Variants in TIAM2 observed in about 807,000 individuals in gnomAD.
The protein encoded by TIAM2 is rho guanine nucleotide exchange factor TIAM2.
In TIAM2, 80 loss-of-function variants were observed where a neutral mutation model predicts 152.9. The ratio of observed to expected loss-of-function variants is 0.52; its 90% CI spans 0.44 to 0.63. The LOEUF is 0.63. Among genes scored for constraint, TIAM2 ranks in the 30% least tolerant of loss-of-function variants. The pLI, the probability that TIAM2 is intolerant of heterozygous loss-of-function variation, is 0.00. For missense variants in TIAM2, 1,965 were observed against 2,120.1 expected (o/e 0.93, Z 1.44); for synonymous variants, 804 against 838.0 (o/e 0.96, Z 0.70).
In TIAM2 at chr6:155,027,844, T is replaced by G. The variant is rs567648358; in HGVS notation, c.-209+32352T>G. Among the ~76,000 whole-genome samples the G allele has an allele frequency of 2.6e-3, 266 of 102,084 alleles. 8 individuals are homozygous for G. The highest frequency in any genetic ancestry group is 0.011 in the African/African-American group (250 of 22,552). The allele number at this position is 102,084 out of a possible 152,430, so 67.0% of individuals were successfully genotyped here. A position where few individuals can be genotyped will look rare whatever the true frequency, so the allele number is the denominator to read the frequency against. On this transcript the variant is annotated intron_variant, in intron 1 of 26. Transcript: ENST00000682666. Reference sequence around the variant, plus strand: ...TACTGTGATACATATATACTATATATAATATATGTACTGTGTTATATACTA... The same window carrying G: ...TACTGTGATACATATATACTATATAGAATATATGTACTGTGTTATATACTA...
chr6:155,010,191 G>A (rs183194242), intron 1 of TIAM2, among the ~76,000 whole-genome samples: 200 of 152,244 alleles, frequency 1.3e-3, no homozygotes, highest in African/African-American at 4.1e-3. Context: ...GAATCTAAGC[G>A]GAAGACTTAT....
At chr6:155,047,254 C>T (rs1777196499) in intron 1 of TIAM2, among the ~76,000 whole-genome samples, 1 of 152,204 alleles carries the variant, frequency 6.6e-6, no homozygotes, top group Non-Finnish European at 1.5e-5. Flanking sequence ...TCTTAGCTCA[C>T]AGCAACCTCC....
intron 1 of TIAM2, among the ~76,000 whole-genome samples, chr6:155,043,558 C>T (rs1031758583): frequency 9.8e-5 from 14 of 142,466 alleles, no homozygotes; most frequent in Admixed American, 8.1e-4. Context: ...TGCTTGAGCC[C>T]GGGAGTTTGA....
chr6:155,137,046 A>G, intron 4 of TIAM2, 131 bp from the exon 5 acceptor site: 1 of 980,714 alleles, frequency 1.0e-6, no homozygotes. Context: ...TTAAAGATGT[A>G]TTTTTGTTAC....
intron 14 of TIAM2, among the ~76,000 whole-genome samples, chr6:155,188,053 A>G (rs1266310259): frequency 1.3e-5 from 2 of 152,150 alleles, no homozygotes; most frequent in Non-Finnish European, 2.9e-5. Flanking sequence ...CTGTTTCCTG[A>G]GGCCTTCTAT....
intron 1 of TIAM2, among the ~76,000 whole-genome samples, chr6:154,998,135 G>C (rs972893733): frequency 1.3e-5 from 2 of 152,142 alleles, no homozygotes; most frequent in African/African-American, 4.8e-5. Context: ...TGGGCGTCAG[G>C]GATTTGTGTC....
rs1013557411 is a variant in TIAM2, at chr6:155,023,052, TTTTTTTTTC to T, written c.-209+27561_-209+27569del. On this transcript the variant is annotated intron_variant, in intron 1 of 26. Transcript: ENST00000682666. ...CTCATTTTTTGTTCTGTTTTTTTTT[TTTTTTTTTC>T]CCTTGGCAAGTGAATTTATTTCATC... Among the ~76,000 whole-genome samples the T allele has an allele frequency of 1.6e-3, 63 of 39,216 alleles. 1 individual carries two copies. Among genetic ancestry groups the T allele is most frequent in the African/African-American group, 3.7e-3 (58 of 15,556 alleles). The allele number at this position is 39,216 out of a possible 152,430, so 25.7% of individuals were successfully genotyped here.
intron 1 of TIAM2, among the ~76,000 whole-genome samples, chr6:155,036,829 G>A (rs1370033877): frequency 6.6e-6 from 1 of 151,592 alleles, no homozygotes; most frequent in African/African-American, 2.4e-5. Flanking sequence ...TGTTGGTTAG[G>A]CTGGTCTCGA....
chr6:155,246,215 T>G (rs1321434752), intron 19 of TIAM2, among the ~76,000 whole-genome samples: 1 of 152,142 alleles, frequency 6.6e-6, no homozygotes, highest in Admixed American at 6.5e-5. Context: ...TGCTCTTCGG[T>G]GTTTCTCTCT....
At position 155,257,201 on chromosome 6, in the gene TIAM2, A is replaced by G; in HGVS notation, c.*80A>G. On this transcript the variant is annotated 3_prime_UTR_variant, in exon 27 of 27. Coordinates refer to ENST00000682666, the MANE Select transcript of TIAM2 (RefSeq NM_012454.4). ...TAAAGTGGAAATTGCAAAAAAAAAAAAAAAAAAAAACTGTTCATTCCTGGG... is the reference window on the plus strand; with the variant it reads ...TAAAGTGGAAATTGCAAAAAAAAAAGAAAAAAAAAACTGTTCATTCCTGGG... 1 of 1,427,372 alleles carries G rather than the reference A, an allele frequency of 7.0e-7. No individual in the cohort carries two copies. The highest frequency in any genetic ancestry group is 9.5e-7 in the Non-Finnish European group (1 of 1,051,998). 88.4% of individuals were successfully genotyped at this position (1,427,372 alleles called of 1,614,324 possible).
rs57405392 is a variant in TIAM2, at chr6:155,256,603, A to T, written c.4588A>T (p.Ser1530Cys). Residue 1530 changes from serine to cysteine, a missense_variant, in exon 27 of 27, where the codon AGC (serine) becomes TGC (cysteine). By Grantham distance (112) the Ser-to-Cys change is moderately radical. Around this residue, in one of 3 missense-constraint regions of TIAM2, gnomAD observed 935 missense variants for 980.0 expected, o/e 0.95. Transcript: ENST00000682666. ...CAGCTTGAGCAGCGGCACCCAGAGC[A>T]GCGGCTGCCCCACGGCTGAGGGCAG... ...EGSLSSGTQSSGCPTAEGRQD... is the reference protein window; with the variant it reads ...EGSLSSGTQSCGCPTAEGRQD... The T allele has an allele frequency of 5.0e-6, 8 of 1,614,188 alleles. No homozygotes were observed. The East Asian group carries it at 1.8e-4, about 36-fold the overall frequency.
At chr6:155,179,000 G>A in intron 10 of TIAM2, 39 bp from the exon 11 acceptor site, 1 of 1,466,490 alleles carries the variant, frequency 6.8e-7, no homozygotes, top group Non-Finnish European at 9.5e-7. Context: ...GATTTAGAAA[G>A]AGCATTTAAA....
At chr6:155,090,189 A>G (rs1312546831) in intron 1 of TIAM2, 100 bp from the exon 2 acceptor site, 2 of 152,222 alleles carry the variant, frequency 1.3e-5, no homozygotes. Context: ...TATCAAGCCC[A>G]AGATACAACA....
rs762073684 is a variant in TIAM2, at chr6:155,148,352, C to T, written c.2028+18C>T. The stretch of plus-strand genomic sequence containing the variant: ...AGAACCAGGTACTGTTTGTCTACAC[C>T]TGAGTTTTCTTCCATTGCTCATGTC... On this transcript the variant is annotated intron_variant, in intron 7 of 26. Transcript: ENST00000682666. The T allele has an allele frequency of 6.9e-6, 11 of 1,603,376 alleles. No homozygotes were observed. The highest frequency in any genetic ancestry group is 9.4e-6 in the Non-Finnish European group (11 of 1,174,954).
chr6:155,164,529 G>T lies in TIAM2; in HGVS notation c.2143G>T (p.Ala715Ser), dbSNP rs946028576. The T allele has an allele frequency of 3.1e-6, 5 of 1,614,000 alleles. No individual in the cohort carries two copies. The African/African-American group carries it at 6.7e-5, about 22-fold the overall frequency. ...ELPNPKSLLA[A>S]ASRPSKLALG... ...ACCGAACCCAAAGAGTCTCCTTGCA[G>T]CCGCCAGCCGCCCCTCCAAGCTGGC... is the stretch of plus-strand genomic sequence containing the variant. The change falls in exon 8 of 27, where the codon GCC (alanine) becomes TCC (serine). Residue 715 changes from alanine to serine, a missense_variant. Transcript: ENST00000682666.
chr6:155,075,042 C>T (rs1310357183), intron 1 of TIAM2, among the ~76,000 whole-genome samples: 1 of 151,646 alleles, frequency 6.6e-6, no homozygotes, highest in Non-Finnish European at 1.5e-5. Context: ...CGGCTCTGGA[C>T]CAGGGTGGCA....
chr6:155,025,318 T>C (rs957724219), intron 1 of TIAM2, among the ~76,000 whole-genome samples: 3 of 151,752 alleles, frequency 2.0e-5, no homozygotes, highest in East Asian at 1.9e-4. Flanking sequence ...CTCAGCCTCC[T>C]GAGTAGCTGG....
At chr6:155,055,673 A>G (rs920426211) in intron 1 of TIAM2, among the ~76,000 whole-genome samples, 1 of 152,136 alleles carries the variant, frequency 6.6e-6, no homozygotes, top group Non-Finnish European at 1.5e-5. Context: ...TAACAAGTTG[A>G]GCATCAGGCC....
chr6:155,180,702 A>G (rs1416013050), intron 12 of TIAM2, among the ~76,000 whole-genome samples: 1 of 152,064 alleles, frequency 6.6e-6, no homozygotes, highest in Non-Finnish European at 1.5e-5. Flanking sequence ...TCCTGGGTTC[A>G]AGCAATTCTC....
Sources: allele counts gnomAD v4.1 joint callset (sites outside exome capture counted in the v4.1 genomes callset), GRCh38; gene constraint gnomAD v4.1.1; regional missense constraint gnomAD v4.1.1; transcripts MANE v1.5; gene names NCBI Gene and HGNC (gene_info 2026-07-23, HGNC 2026-07-21).